The following GSE1 variants were observed in gnomAD, a reference collection of about 807,000 sequenced individuals.
GSE1 encodes the protein Gse1 coiled-coil protein.
A neutral mutation model predicts 112.6 loss-of-function variants in GSE1; 32 were observed. The observed-to-expected ratio is 0.28, with a 90% CI of 0.21 to 0.38. The LOEUF (loss-of-function observed/expected upper bound fraction) is 0.38. Ranked by LOEUF, GSE1 falls within the 10% of genes least tolerant of loss-of-function variation. The pLI, the probability that GSE1 is intolerant of heterozygous loss-of-function variation, is 1.00. For synonymous variants in GSE1, 1,115 were observed against 735.6 expected (o/e 1.52, Z -8.35); for missense variants, 2,348 against 1,699.2 (o/e 1.38, Z -6.71).
rs149963742 is a variant in GSE1, at chr16:85,349,202, G to A, written c.2284-8261G>A. Among the ~76,000 whole-genome samples, 6 of 152,128 alleles carry A rather than the reference G, an allele frequency of 3.9e-5. No homozygotes were observed. In the East Asian group the frequency reaches 9.7e-4, roughly 25 times the overall value. On this transcript the variant is annotated intron_variant, in intron 1 of 2. Coordinates refer to the GSE1 transcript ENST00000637419. Reference sequence around the variant, plus strand: ...TCTGCTTATCAGGGACTCTGCATTCGGCATCTCCAATCTCCCCCTGACCCG... The same window carrying A: ...TCTGCTTATCAGGGACTCTGCATTCAGCATCTCCAATCTCCCCCTGACCCG...
At chr16:85,400,178 C>T (rs992059446) in intron 2 of GSE1, among the ~76,000 whole-genome samples, 1 of 152,248 alleles carries the variant, frequency 6.6e-6, no homozygotes, top group African/African-American at 2.4e-5. Flanking sequence ...CCGCCAGACG[C>T]CCCACAGGCC....
At chr16:85,217,425 C>G (rs1189686924) in intron 1 of GSE1, among the ~76,000 whole-genome samples, 1 of 152,178 alleles carries the variant, frequency 6.6e-6, no homozygotes, top group Non-Finnish European at 1.5e-5. Flanking sequence ...TCCAGAGAAC[C>G]GTGTGCCCTG....
At chr16:85,187,607 G>T (rs1000868232) in intron 1 of GSE1, among the ~76,000 whole-genome samples, 4 of 152,150 alleles carry the variant, frequency 2.6e-5, no homozygotes, top group African/African-American at 9.7e-5. Flanking sequence ...GTGCTGGTCT[G>T]CTCTTGACCG....
intron 1 of GSE1, among the ~76,000 whole-genome samples, chr16:85,304,314 C>G (rs1426839896): frequency 6.6e-6 from 1 of 152,186 alleles, no homozygotes; most frequent in East Asian, 1.9e-4. Flanking sequence ...GACCTCCTGC[C>G]CTTTTCTTCT....
intron 1 of GSE1, among the ~76,000 whole-genome samples, chr16:85,564,338 G>A (rs144204804): frequency 1.3e-5 from 2 of 152,314 alleles, no homozygotes; most frequent in Non-Finnish European, 2.9e-5. Flanking sequence ...TTCATGTCAG[G>A]TGTGCCGGGA....
intron 1 of GSE1, 103 bp downstream of exon 1, chr16:85,613,501 TC>T: frequency 9.2e-7 from 1 of 1,092,008 alleles, no homozygotes; most frequent in Non-Finnish European, 1.3e-6. Context: ...CGCCAACGGC[TC>T]CCGGGCAACT....
At chr16:85,527,096 G>A (rs1416571156) in intron 2 of GSE1, among the ~76,000 whole-genome samples, 2 of 152,182 alleles carry the variant, frequency 1.3e-5, no homozygotes, top group African/African-American at 2.4e-5. Context: ...CGATGAGGCC[G>A]TGGACTGCGC....
Position 85,661,577 on chromosome 16 carries a change from C to A in GSE1, c.2072C>A (p.Ala691Asp). Residue 691 changes from alanine to aspartate, a missense_variant, in exon 9 of 16, where the codon GCC becomes GAC. Transcript: ENST00000253458. ...CAGACCATCCTGGGCCAGCAGCGGG[C>A]CTCCCTCCCACAGGCGGCCACCTTC... ...STQTILGQQRASLPQAATFGE... is the reference protein window; with the variant it reads ...STQTILGQQRDSLPQAATFGE... 1 of 1,610,522 alleles carries A rather than the reference C, an allele frequency of 6.2e-7. No individual in the cohort carries two copies. Among genetic ancestry groups the A allele is most frequent in the Non-Finnish European group, 8.5e-7 (1 of 1,179,088 alleles).
At chr16:85,388,592 A>G (rs1365393103) in intron 2 of GSE1, among the ~76,000 whole-genome samples, 2 of 141,250 alleles carry the variant, frequency 1.4e-5, no homozygotes, top group Non-Finnish European at 3.1e-5. Flanking sequence ...GGGTGGGTGG[A>G]TGGATGGATG....
intron 1 of GSE1, among the ~76,000 whole-genome samples, chr16:85,234,798 C>A (rs1239227954): frequency 6.6e-6 from 1 of 152,024 alleles, no homozygotes; most frequent in Non-Finnish European, 1.5e-5. Context: ...GGAATGCTGG[C>A]GGGTGGGGTG....
chr16:85,308,503 T>A (rs897764938), intron 1 of GSE1, among the ~76,000 whole-genome samples: 4 of 152,064 alleles, frequency 2.6e-5, no homozygotes, highest in Non-Finnish European at 5.9e-5. Context: ...TTTAAACTGC[T>A]TCAGAAAACA....
At chr16:85,258,299 G>C (rs1907295447) in intron 1 of GSE1, among the ~76,000 whole-genome samples, 1 of 152,216 alleles carries the variant, frequency 6.6e-6, no homozygotes, top group African/African-American at 2.4e-5. Flanking sequence ...CAAGAGGCTG[G>C]AGTCACACAG....
rs187008083 is a variant in GSE1 at position 85,450,729 on chromosome 16, A to C, written c.2464+93086A>C. ...CTCCCAAAGTGCTGGGATTACAGGC[A>C]TGAGCCACCTCGCCCGGCCCACCTT... is the stretch of plus-strand genomic sequence containing the variant. On this transcript the variant is annotated intron_variant, in intron 2 of 2. Transcript: ENST00000637419. Among the ~76,000 whole-genome samples, 431 of 150,456 alleles carry C rather than the reference A, an allele frequency of 2.9e-3. 1 individual carries two copies. Among genetic ancestry groups the C allele is most frequent in the Middle Eastern group, 6.8e-3 (2 of 294 alleles).
intron 2 of GSE1, among the ~76,000 whole-genome samples, chr16:85,473,785 G>A (rs1417042981): frequency 6.6e-6 from 1 of 152,082 alleles, no homozygotes; most frequent in African/African-American, 2.4e-5. Flanking sequence ...GCGGAGGGGG[G>A]GTCACCATTC....
chr16:85,191,536 G>T (rs1300756115), intron 1 of GSE1, among the ~76,000 whole-genome samples: 1 of 152,180 alleles, frequency 6.6e-6, no homozygotes, highest in Non-Finnish European at 1.5e-5. Flanking sequence ...TCCCTGAGCA[G>T]CTCAGAGGCA....
intron 1 of GSE1, among the ~76,000 whole-genome samples, chr16:85,560,327 G>A (rs2045459181): frequency 6.6e-6 from 1 of 151,940 alleles, no homozygotes; most frequent in Non-Finnish European, 1.5e-5. Flanking sequence ...AGTAGAGACG[G>A]GGTTTTACCA....
chr16:85,410,334 CT>C (rs537758504), intron 2 of GSE1, among the ~76,000 whole-genome samples: 6 of 59,338 alleles, frequency 1.0e-4, no homozygotes, highest in African/African-American at 2.4e-4. Context: ...TCAGGCCCCC[CT>C]GGATAATCCT....
intron 2 of GSE1, among the ~76,000 whole-genome samples, chr16:85,507,517 G>T (rs904565454): frequency 6.6e-6 from 1 of 152,226 alleles, no homozygotes; most frequent in African/African-American, 2.4e-5. Flanking sequence ...CCACACTCTG[G>T]CTTGAACAAT....
chr16:85,481,865 C>T (rs541597827), intron 2 of GSE1, among the ~76,000 whole-genome samples: 4 of 152,328 alleles, frequency 2.6e-5, no homozygotes, highest in Non-Finnish European at 4.4e-5. Flanking sequence ...AAAGGTCACA[C>T]GGCGCAGAGG....
Sources: gnomAD v4.1 joint callset for allele counts (sites outside exome capture counted in the v4.1 genomes callset) on GRCh38, gnomAD v4.1.1 for gene constraint, MANE v1.5 for transcripts, NCBI Gene and HGNC (gene_info 2026-07-23, HGNC 2026-07-21) for gene names.